DLGAP1: variants seen among roughly 807,000 people sequenced by gnomAD.
DLGAP1 encodes the protein DLG associated protein 1.
In DLGAP1, 11 loss-of-function variants were observed where a neutral mutation model predicts 90.8. The ratio of observed to expected loss-of-function variants is 0.12; its 90% CI spans 0.08 to 0.20. The LOEUF (loss-of-function observed/expected upper bound fraction) is 0.20, where lower values mean the gene tolerates loss of function less well. Ranked by LOEUF, DLGAP1 falls within the 10% of genes least tolerant of loss-of-function variation. The probability of loss-of-function intolerance (pLI) is 1.00; values close to 1 mark genes in which losing one functional copy is unlikely to be tolerated. For missense variants in DLGAP1, 1,050 were observed against 1,333.8 expected (o/e 0.79, Z 3.31); for synonymous variants, 558 against 540.7 (o/e 1.03, Z -0.44).
chr18:3,678,356 C>G (rs1185130973), intron 7 of DLGAP1, among the ~76,000 whole-genome samples: 2 of 152,056 alleles, frequency 1.3e-5, no homozygotes, highest in Non-Finnish European at 2.9e-5. Context: ...CTATCTCTGC[C>G]TATTGAATTC....
At chr18:3,796,156 A>G (rs1462770468) in intron 5 of DLGAP1, among the ~76,000 whole-genome samples, 1 of 144,726 alleles carries the variant, frequency 6.9e-6, no homozygotes, top group East Asian at 2.0e-4. Flanking sequence ...TCTAATGCAG[A>G]CATAGAGAGA....
intron 7 of DLGAP1, among the ~76,000 whole-genome samples, chr18:3,687,795 AT>A (rs1365220110): frequency 1.3e-5 from 2 of 152,202 alleles, no homozygotes; most frequent in Non-Finnish European, 2.9e-5. Flanking sequence ...TGTATATAGA[AT>A]GTAAAAAGGG....
chr18:3,917,003 T>C (rs1288722313), intron 3 of DLGAP1, among the ~76,000 whole-genome samples: 2 of 152,184 alleles, frequency 1.3e-5, no homozygotes, highest in Non-Finnish European at 1.5e-5. Flanking sequence ...ATTATTCTGT[T>C]TTTCACTTTT....
intron 1 of DLGAP1, among the ~76,000 whole-genome samples, chr18:4,381,139 A>G (rs539008780): frequency 2.6e-5 from 4 of 152,328 alleles, no homozygotes; most frequent in African/African-American, 9.6e-5. Flanking sequence ...AGATGATGAA[A>G]AAGACTTCCC....
intron 2 of DLGAP1, among the ~76,000 whole-genome samples, chr18:4,067,587 CATT>C (rs1163040308): frequency 7.0e-6 from 1 of 143,114 alleles, no homozygotes; most frequent in Non-Finnish European, 1.6e-5. Context: ...GAGAGTTTGG[CATT>C]TTTTTTTTTT....
intron 2 of DLGAP1, among the ~76,000 whole-genome samples, chr18:4,089,716 G>C (rs956004030): frequency 1.3e-5 from 2 of 152,190 alleles, no homozygotes; most frequent in African/African-American, 4.8e-5. Context: ...AATGGTGCTG[G>C]GAAAACTGGC....
chr18:4,409,884 T>C (rs112860393), intron 1 of DLGAP1, among the ~76,000 whole-genome samples: 65 of 152,240 alleles, frequency 4.3e-4, no homozygotes, highest in African/African-American at 1.5e-3. Flanking sequence ...CAATTCACAA[T>C]AGCAAAATTG....
At chr18:3,888,470 G>A (rs576839405) in intron 3 of DLGAP1, among the ~76,000 whole-genome samples, 4 of 151,746 alleles carry the variant, frequency 2.6e-5, no homozygotes, top group South Asian at 2.1e-4. Context: ...GTTTGATTTC[G>A]TCTGTGAATA....
chr18:3,902,266 T>C (rs2071801167), intron 3 of DLGAP1, among the ~76,000 whole-genome samples: 1 of 152,230 alleles, frequency 6.6e-6, no homozygotes, highest in Non-Finnish European at 1.5e-5. Flanking sequence ...CTTGTTCTTT[T>C]TTTAAGGTTA....
rs1301743906 is a variant in DLGAP1, at chr18:3,772,372, CTT to C, written c.1173-29862_1173-29861del. 2.2e-3 allele frequency among the ~76,000 whole-genome samples: 40 copies of C among 18,064 alleles called. 1 individual carries two copies. The highest frequency in any genetic ancestry group is 5.1e-3 in the Non-Finnish European group (29 of 5,638). 11.9% of individuals were successfully genotyped at this position (18,064 alleles called of 152,430 possible). ...TCTTTCTTTCTTTCTTTCTTTCTTT[CTT>C]TCTTTCTTTCTTTCTTTCTTTCTTT... is the stretch of plus-strand genomic sequence containing the variant. On this transcript the variant is annotated intron_variant, in intron 5 of 12. Transcript: ENST00000315677.
intron 1 of DLGAP1, among the ~76,000 whole-genome samples, chr18:4,295,679 T>C (rs1415977580): frequency 1.3e-5 from 2 of 152,218 alleles, no homozygotes; most frequent in Admixed American, 1.3e-4. Flanking sequence ...ACAAATCACA[T>C]ATACTCTCTG....
intron 1 of DLGAP1, among the ~76,000 whole-genome samples, chr18:4,346,655 T>C (rs2081307346): frequency 1.3e-5 from 2 of 152,224 alleles, no homozygotes; most frequent in African/African-American, 4.8e-5. Context: ...TCTGATCTTC[T>C]GGCCTTTTTC....
chr18:4,234,669 T>C (rs2078369119), intron 1 of DLGAP1, among the ~76,000 whole-genome samples: 1 of 152,190 alleles, frequency 6.6e-6, no homozygotes, highest in Non-Finnish European at 1.5e-5. Context: ...TTAGCAAATA[T>C]ATACCACTAG....
intron 3 of DLGAP1, chr18:3,993,191 C>G (rs984494729): frequency 6.6e-6 from 1 of 150,388 alleles, no homozygotes. Context: ...CGGCGACTCA[C>G]GTGGGAAGAA....
intron 7 of DLGAP1, among the ~76,000 whole-genome samples, chr18:3,588,262 C>G (rs2056011577): frequency 6.6e-6 from 1 of 152,062 alleles, no homozygotes; most frequent in South Asian, 2.1e-4. Context: ...GAGTTCGAGA[C>G]CAGCCTGAAC....
chr18:3,926,659 A>AAT (rs202080138), intron 3 of DLGAP1, among the ~76,000 whole-genome samples: 4,137 of 151,846 alleles, frequency 0.027, 193 homozygotes, highest in African/African-American at 0.094. Flanking sequence ...TATAGGTATA[A>AAT]ATATATATAT....
intron 4 of DLGAP1, among the ~76,000 whole-genome samples, chr18:3,872,949 AGT>A (rs1214332919): frequency 1.3e-5 from 2 of 152,210 alleles, no homozygotes; most frequent in African/African-American, 4.8e-5. Flanking sequence ...GAGATCAGAA[AGT>A]GTGTGTTACA....
chr18:4,044,286 C>T (rs1024917417), intron 2 of DLGAP1, among the ~76,000 whole-genome samples: 1 of 152,174 alleles, frequency 6.6e-6, no homozygotes, highest in Non-Finnish European at 1.5e-5. Context: ...CATCTAAATG[C>T]TGTTTATGGC....
At chr18:3,876,991 G>A (rs1276237451) in intron 4 of DLGAP1, among the ~76,000 whole-genome samples, 1 of 152,124 alleles carries the variant, frequency 6.6e-6, no homozygotes, top group Non-Finnish European at 1.5e-5. Context: ...ATATTAGAAA[G>A]AGCTTGGTTT....
Sources: allele counts gnomAD v4.1 joint callset (sites outside exome capture counted in the v4.1 genomes callset), GRCh38; gene constraint gnomAD v4.1.1; transcripts MANE v1.5; gene names NCBI Gene and HGNC (gene_info 2026-07-23, HGNC 2026-07-21).